PWWP3B: variants seen among roughly 807,000 people sequenced by gnomAD.
PWWP3B encodes PWWP domain-containing DNA repair factor 3B.
PWWP3B carries 5 observed loss-of-function variants against 15.7 expected under a neutral mutation model. That is an observed-to-expected ratio of 0.32 (90% CI 0.17 to 0.67). The LOEUF is 0.67. Ranked by LOEUF, PWWP3B falls within the 30% of genes least tolerant of loss-of-function variation. PWWP3B has a pLI of 0.74. For synonymous variants in PWWP3B, 203 were observed against 179.8 expected, an observed-to-expected ratio of 1.13 and a Z score of -1.03; for missense variants, 519 against 493.1, an observed-to-expected ratio of 1.05 and a Z score of -0.50.
At chrX:106,184,610 CTT>C (rs1006081777) in intron 2 of PWWP3B, among the ~76,000 whole-genome samples, 2 of 111,783 alleles carry the variant, frequency 1.8e-5, no homozygotes, top group Non-Finnish European at 1.9e-5. Flanking sequence ...TCTTCAAACT[CTT>C]GGGCTGCAGC....
intron 2 of PWWP3B, among the ~76,000 whole-genome samples, chrX:106,193,718 C>G (rs970172331): frequency 1.1e-4 from 12 of 111,855 alleles, no homozygotes; most frequent in Non-Finnish European, 2.1e-4. Context: ...TTTAGGAGCT[C>G]TTTTACGGCA....
intron 2 of PWWP3B, among the ~76,000 whole-genome samples, chrX:106,175,116 G>A (rs1422873217): frequency 9.1e-6 from 1 of 109,813 alleles, no homozygotes; most frequent in Non-Finnish European, 1.9e-5. Context: ...GTAGATGGAT[G>A]TAAGAGATAG....
intron 2 of PWWP3B, among the ~76,000 whole-genome samples, chrX:106,187,244 G>T (rs1922573380): frequency 1.8e-5 from 2 of 112,375 alleles, no homozygotes; most frequent in African/African-American, 6.5e-5. Flanking sequence ...GGAACATGCA[G>T]AGTGCAGTAG....
chrX:106,202,782 A>G (rs1386296318), intron 2 of PWWP3B, among the ~76,000 whole-genome samples: 1 of 112,293 alleles, frequency 8.9e-6, no homozygotes, highest in Non-Finnish European at 1.9e-5. Context: ...GTATAAGGTG[A>G]AAAAAATTAT....
intron 2 of PWWP3B, among the ~76,000 whole-genome samples, chrX:106,187,191 C>T (rs1022062240): frequency 1.8e-5 from 2 of 112,019 alleles, no homozygotes; most frequent in African/African-American, 6.5e-5. Context: ...TTCCTTCTTG[C>T]TTGTTTATGC....
At chrX:106,191,984 A>G (rs1923003609) in intron 2 of PWWP3B, among the ~76,000 whole-genome samples, 1 of 111,342 alleles carries the variant, frequency 9.0e-6, no homozygotes, top group Non-Finnish European at 1.9e-5. Flanking sequence ...TTCATCAAGG[A>G]TATTGGTCTA....
intron 2 of PWWP3B, among the ~76,000 whole-genome samples, chrX:106,200,621 A>G (rs913953625): frequency 8.9e-6 from 1 of 111,905 alleles, no homozygotes; most frequent in African/African-American, 3.2e-5. Context: ...AGAAATCTAT[A>G]CTTAAATTTA....
In PWWP3B at chrX:106,193,111, A is replaced by T. The variant is rs934353311; in HGVS notation, c.-400-10874A>T. On this transcript the variant is annotated intron_variant, in intron 2 of 3. Coordinates refer to ENST00000357175, the MANE Select transcript of PWWP3B (RefSeq NM_001171020.2). ...CTGGGTATTGTTAACTTTCTGTCTCATTGATCTGTCTAATGTTGAGAGTGG... is the reference window on the plus strand; with the variant it reads ...CTGGGTATTGTTAACTTTCTGTCTCTTTGATCTGTCTAATGTTGAGAGTGG... 7.2e-5 allele frequency among the ~76,000 whole-genome samples: 8 copies of T among 111,335 alleles called. No homozygotes were observed. In the East Asian group the frequency reaches 1.1e-3, roughly 16 times the overall value.
Position 106,207,439 on chromosome X carries a change from T to C in PWWP3B, c.2007T>C (p.Cys669=). Residue 669 remains cysteine, a synonymous_variant, in exon 4 of 4, where the codon TGT becomes TGC. Transcript: ENST00000357175. The part of the protein sequence containing the change: ...AAEAKYLKGP[C]LGYRERELFD... The stretch of plus-strand genomic sequence containing the variant: ...AAGCAAAGTATCTAAAAGGACCATG[T>C]CTAGGCTACAGGGAAAGAGAATTAT... The C allele has an allele frequency of 8.6e-7, 1 of 1,165,718 alleles. No homozygotes were observed.
chrX:106,193,775 A>G lies in PWWP3B; in HGVS notation c.-400-10210A>G, dbSNP rs61649389. Among the ~76,000 whole-genome samples, 540 of 111,568 alleles carry G rather than the reference A, an allele frequency of 4.8e-3. 3 individuals are homozygous for G. The highest frequency in any genetic ancestry group is 0.017 in the African/African-American group (518 of 30,637). On this transcript the variant is annotated intron_variant, in intron 2 of 3. Transcript: ENST00000357175. ...CCCAGCATTTGCTTATCTGTAAAGT[A>G]TTTTATTTCTACTTCACTTGTGAAG...
intron 2 of PWWP3B, among the ~76,000 whole-genome samples, chrX:106,197,365 G>A (rs1366873275): frequency 9.0e-6 from 1 of 111,515 alleles, no homozygotes; most frequent in Non-Finnish European, 1.9e-5. Flanking sequence ...AGGCAAGTAA[G>A]TTTTGCTTCT....
At chrX:106,198,344 T>C (rs961830217) in intron 2 of PWWP3B, among the ~76,000 whole-genome samples, 4 of 111,482 alleles carry the variant, frequency 3.6e-5, no homozygotes, top group African/African-American at 1.3e-4. Flanking sequence ...ATAAATGAAA[T>C]CACAAGGTAT....
chrX:106,194,371 T>A (rs1262184521), intron 2 of PWWP3B, among the ~76,000 whole-genome samples: 1 of 112,300 alleles, frequency 8.9e-6, no homozygotes, highest in Non-Finnish European at 1.9e-5. Flanking sequence ...GTAGCTCTCG[T>A]GCCTTGGTTT....
chrX:106,184,397 C>G (rs1475124191), intron 2 of PWWP3B, among the ~76,000 whole-genome samples: 1 of 111,387 alleles, frequency 9.0e-6, no homozygotes, highest in Non-Finnish European at 1.9e-5. Context: ...TGGTGGACAT[C>G]ATTGAGTAAT....
rs1441060603 is a variant in PWWP3B, at chrX:106,207,530, T to C, written c.*7T>C. 1 of 1,127,346 alleles carries C rather than the reference T, an allele frequency of 8.9e-7. No individual in the cohort carries two copies. Among genetic ancestry groups the C allele is most frequent in the East Asian group, 3.3e-5 (1 of 30,455 alleles). 92.9% of individuals were successfully genotyped at this position (1,127,346 alleles called of 1,213,427 possible). A position where few individuals can be genotyped will look rare whatever the true frequency, so the allele number is the denominator to read the frequency against. On this transcript the variant is annotated 3_prime_UTR_variant, in exon 4 of 4. Coordinates refer to ENST00000357175, the MANE Select transcript of PWWP3B (RefSeq NM_001171020.2). ...AACAAATGAAGCTCACTAAATGTGC[T>C]GAAAGTTGAAACCATGACAGGGAGC...
rs376522668 is a variant in PWWP3B at position 106,206,310 on chromosome X, C to T, written c.878C>T (p.Thr293Ile). 13 of 1,204,906 alleles carry T rather than the reference C, an allele frequency of 1.1e-5. No homozygotes were observed. The highest frequency in any genetic ancestry group is 1.5e-5 in the Non-Finnish European group (13 of 891,716). Residue 293 changes from threonine (T) to isoleucine (I), a missense_variant, in exon 4 of 4, where the codon ACC becomes ATC. By Grantham distance (89) the Thr-to-Ile change is moderately conservative. Coordinates refer to ENST00000357175, the MANE Select transcript of PWWP3B (RefSeq NM_001171020.2). Reference sequence around the variant, plus strand: ...GGTCCCTCAAATCCATGCTTAGATACCAGCCAGAATCAACCTTCCATGGAA... The same window carrying T: ...GGTCCCTCAAATCCATGCTTAGATATCAGCCAGAATCAACCTTCCATGGAA... ...GEGPSNPCLDTSQNQPSMESE... is the reference protein window; with the variant it reads ...GEGPSNPCLDISQNQPSMESE...
At chrX:106,196,942 C>A (rs539462082) in intron 2 of PWWP3B, among the ~76,000 whole-genome samples, 1 of 111,294 alleles carries the variant, frequency 9.0e-6, no homozygotes, top group Non-Finnish European at 1.9e-5. Context: ...TTTCAGTAGT[C>A]TCTTCATACT....
Position 106,205,333 on chromosome X carries a change from T to C in PWWP3B, c.-100T>C, listed in dbSNP as rs1332598651. 2 of 793,556 alleles carry C rather than the reference T, an allele frequency of 2.5e-6. No homozygotes were observed. The highest frequency in any genetic ancestry group is 4.2e-5 in the African/African-American group (2 of 47,138). The allele number at this position is 793,556 out of a possible 1,213,427, so 65.4% of individuals were successfully genotyped here. The stretch of plus-strand genomic sequence containing the variant: ...TTGTAGTCATAAGACGAAAGAGGAT[T>C]TGTTAAGAGTATTGTTTTGGGTAGA... On this transcript the variant is annotated 5_prime_UTR_variant, in exon 4 of 4. Coordinates refer to ENST00000357175, the MANE Select transcript of PWWP3B (RefSeq NM_001171020.2).
intron 2 of PWWP3B, among the ~76,000 whole-genome samples, chrX:106,196,770 A>AGTTTGG (rs1355822146): frequency 8.9e-6 from 1 of 111,914 alleles, no homozygotes; most frequent in Non-Finnish European, 1.9e-5. Flanking sequence ...GTTATTTTCT[A>AGTTTGG]GTTTGGGTAT....
Sources: allele counts gnomAD v4.1 joint callset (sites outside exome capture counted in the v4.1 genomes callset), GRCh38; gene constraint gnomAD v4.1.1; transcripts MANE v1.5; gene names NCBI Gene and HGNC (gene_info 2026-07-23, HGNC 2026-07-21).